The following EPHB2 variants were observed in gnomAD, a reference collection of about 807,000 sequenced individuals.
EPHB2 encodes the protein EPH receptor B2, also known as ephrin type-B receptor 2.
EPHB2 carries 18 observed loss-of-function variants against 96.4 expected under a neutral mutation model. The observed-to-expected ratio is 0.19, with a 90% CI of 0.13 to 0.28. EPHB2 has a LOEUF of 0.28. EPHB2 is among the 10% of genes least tolerant of loss of function. The pLI is 1.00. For synonymous variants in EPHB2, 506 were observed against 534.1 expected (o/e 0.95, Z 0.72); for missense variants, 989 against 1,355.4 (o/e 0.73, Z 4.25).
chr1:22,915,812 G>C lies in EPHB2; in HGVS notation c.*2242G>C, dbSNP rs1000558594. On this transcript the variant is annotated 3_prime_UTR_variant, in exon 16 of 16. Coordinates refer to ENST00000374630, the MANE Select transcript of EPHB2 (RefSeq NM_017449.5). Reference sequence around the variant, plus strand: ...GGGAGATGGATGTGCCATGGATATCGGGTCTGGCTGAGGAAGGGGAGCCAA... The same window carrying C: ...GGGAGATGGATGTGCCATGGATATCCGGTCTGGCTGAGGAAGGGGAGCCAA... 2.0e-5 allele frequency: 3 copies of C among 152,338 alleles called. No individual in the cohort carries two copies. The highest frequency in any genetic ancestry group is 7.2e-5 in the African/African-American group (3 of 41,464). 9.4% of individuals were successfully genotyped at this position (152,338 alleles called of 1,614,324 possible).
rs560944092 is a variant in EPHB2, at chr1:22,797,078, GA to G, written c.811+12003del. Among the ~76,000 whole-genome samples the G allele has an allele frequency of 2.6e-4, 39 of 152,302 alleles. No individual in the cohort carries two copies. In the South Asian group the frequency reaches 7.3e-3, roughly 28 times the overall value. On this transcript the variant is annotated intron_variant, in intron 3 of 15. Transcript: ENST00000374630. Reference sequence around the variant, plus strand: ...AAAGGGCTATTGTCCCCATTCTTCAGATGAGGAAATCTTAGCATGGTGAAGT... The same window carrying G: ...AAAGGGCTATTGTCCCCATTCTTCAGTGAGGAAATCTTAGCATGGTGAAGT...
Position 22,896,460 on chromosome 1 carries a change from C to A in EPHB2, c.1747C>A (p.His583Asn). The A allele has an allele frequency of 6.2e-7, 1 of 1,614,168 alleles. No homozygotes were observed. Among genetic ancestry groups the A allele is most frequent in the Non-Finnish European group, 8.5e-7 (1 of 1,180,030 alleles). Residue 583 changes from histidine to asparagine, a missense_variant, in exon 9 of 16, where the codon CAC (histidine) becomes AAC (asparagine). Coordinates refer to ENST00000374630, the MANE Select transcript of EPHB2 (RefSeq NM_017449.5). ...CTCGGAGTACACGGACAAGCTGCAA[C>A]ACTACACCAGTGGCCACAGTATGTA... ...ADSEYTDKLQ[H>N]YTSGHMTPGM...
chr1:22,848,067 A>G (rs1375120342), intron 3 of EPHB2, among the ~76,000 whole-genome samples: 2 of 152,214 alleles, frequency 1.3e-5, no homozygotes, highest in Non-Finnish European at 2.9e-5. Flanking sequence ...GTGATCATTG[A>G]GAAACAGCTT....
chr1:22,850,079 G>A (rs767284644), intron 3 of EPHB2, among the ~76,000 whole-genome samples: 1 of 152,174 alleles, frequency 6.6e-6, no homozygotes, highest in Non-Finnish European at 1.5e-5. Flanking sequence ...GGAGGGAGGA[G>A]GCCAGTCTCA....
intron 1 of EPHB2, among the ~76,000 whole-genome samples, chr1:22,732,306 G>A (rs1036439664): frequency 6.6e-6 from 1 of 151,732 alleles, no homozygotes; most frequent in Non-Finnish European, 1.5e-5. Flanking sequence ...AGCTGCGGGG[G>A]CCTGGGAAAG....
chr1:22,890,838 T>G (rs1639366772), intron 6 of EPHB2, among the ~76,000 whole-genome samples: 1 of 152,238 alleles, frequency 6.6e-6, no homozygotes, highest in Non-Finnish European at 1.5e-5. Flanking sequence ...TGCCACCATG[T>G]GAAGAAGTAT....
At chr1:22,713,257 G>A (rs1471205294) in intron 1 of EPHB2, among the ~76,000 whole-genome samples, 1 of 152,280 alleles carries the variant, frequency 6.6e-6, no homozygotes. Context: ...TAAGGAGCTG[G>A]CCGAATGGAT....
chr1:22,869,368 G>T (rs576517852), intron 5 of EPHB2, among the ~76,000 whole-genome samples: 1 of 152,200 alleles, frequency 6.6e-6, no homozygotes, highest in East Asian at 1.9e-4. Context: ...GTATGTCCTA[G>T]TTGGAAAAAT....
intron 3 of EPHB2, among the ~76,000 whole-genome samples, chr1:22,819,410 T>C (rs753620188): frequency 6.6e-6 from 1 of 152,084 alleles, no homozygotes; most frequent in Non-Finnish European, 1.5e-5. Context: ...CGGATCCAGG[T>C]CGAAGGGCAG....
At chr1:22,791,081 A>G (rs1644684360) in intron 3 of EPHB2, among the ~76,000 whole-genome samples, 1 of 152,236 alleles carries the variant, frequency 6.6e-6, no homozygotes, top group Non-Finnish European at 1.5e-5. Flanking sequence ...AAAACAGAAT[A>G]AACAGAGGGC....
chr1:22,892,481 G>C (rs1639419749), intron 6 of EPHB2, among the ~76,000 whole-genome samples: 1 of 152,146 alleles, frequency 6.6e-6, no homozygotes, highest in Admixed American at 6.6e-5. Flanking sequence ...CATCCTAAGA[G>C]TTGGGTCATG....
intron 4 of EPHB2, among the ~76,000 whole-genome samples, chr1:22,863,555 A>G (rs1638353577): frequency 6.6e-6 from 1 of 152,226 alleles, no homozygotes. Context: ...TGCCTGAATC[A>G]CAGCCCAAGG....
intron 1 of EPHB2, among the ~76,000 whole-genome samples, chr1:22,741,691 A>AAAAAAAAAAAC (rs1482203457): frequency 6.8e-6 from 1 of 146,894 alleles, no homozygotes; most frequent in African/African-American, 2.5e-5. Flanking sequence ...AAAAAAAACA[A>AAAAAAAAAAAC]AAAAACAAAA....
At chr1:22,835,566 T>C (rs1211056608) in intron 3 of EPHB2, 2 of 152,260 alleles carry the variant, frequency 1.3e-5, no homozygotes, top group African/African-American at 4.8e-5. Flanking sequence ...CATGCTTTCA[T>C]ACATGTAGGC....
chr1:22,780,937 C>T (rs1218176848), intron 1 of EPHB2, among the ~76,000 whole-genome samples: 2 of 151,906 alleles, frequency 1.3e-5, no homozygotes, highest in African/African-American at 4.8e-5. Context: ...GAGGCGGAGT[C>T]TAAACCGAGG....
chr1:22,898,040 T>C (rs1263074415), intron 9 of EPHB2, among the ~76,000 whole-genome samples: 2 of 143,996 alleles, frequency 1.4e-5, no homozygotes, highest in Non-Finnish European at 3.0e-5. Flanking sequence ...GAGGCGGAGG[T>C]TGCAGTGAGC....
At chr1:22,732,203 C>T (rs1465868181) in intron 1 of EPHB2, among the ~76,000 whole-genome samples, 1 of 152,158 alleles carries the variant, frequency 6.6e-6, no homozygotes. Flanking sequence ...TAAGAACCCA[C>T]TTGGAAAGGG....
At chr1:22,908,264 T>G (rs1424239846) in intron 12 of EPHB2, 96 bp downstream of exon 12, 1 of 1,459,058 alleles carries the variant, frequency 6.9e-7, no homozygotes, top group Non-Finnish European at 9.5e-7. Context: ...AACGCCCAAT[T>G]GGGCCAAGCA....
At chr1:22,895,614 C>A (rs1451697874) in intron 8 of EPHB2, 34 bp downstream of exon 8, 1 of 1,577,336 alleles carries the variant, frequency 6.3e-7, no homozygotes, top group Non-Finnish European at 8.7e-7. Context: ...CCAGGCCTGG[C>A]TGTCCCAGAT....
Sources: allele counts gnomAD v4.1 joint callset (sites outside exome capture counted in the v4.1 genomes callset), GRCh38; gene constraint gnomAD v4.1.1; transcripts MANE v1.5; gene names NCBI Gene and HGNC (gene_info 2026-07-23, HGNC 2026-07-21).